The following SSUH2 variants were observed in gnomAD, a reference collection of about 807,000 sequenced individuals.
SSUH2 encodes the protein ssu-2 homolog.
SSUH2 carries 47 observed loss-of-function variants against 55.3 expected under a neutral mutation model. The ratio of observed to expected loss-of-function variants is 0.85; its 90% confidence interval spans 0.67 to 1.08. The LOEUF is 1.08. Among genes scored for constraint, SSUH2 ranks in the 50% least tolerant of loss-of-function variants. SSUH2 has a pLI of 0.00. For missense variants in SSUH2, 535 were observed against 490.7 expected (o/e 1.09, Z -0.85); for synonymous variants, 212 against 191.5 (o/e 1.11, Z -0.89).
intron 3 of SSUH2, chr3:8,634,302 TG>T (rs2125193133): frequency 9.6e-7 from 1 of 1,044,828 alleles, no homozygotes; most frequent in Non-Finnish European, 1.3e-6. Flanking sequence ...GGACCGTGGG[TG>T]GGACGACAGA....
intron 1 of SSUH2, among the ~76,000 whole-genome samples, chr3:8,640,602 G>A (rs372465723): frequency 2.5e-4 from 38 of 152,214 alleles, no homozygotes; most frequent in African/African-American, 8.4e-4. Context: ...GACGGCAACA[G>A]TAGGGAAAAA....
chr3:8,657,189 TGTTTTATAATTA>T (rs1320059827), intron 7 of SSUH2, among the ~76,000 whole-genome samples: 3 of 152,176 alleles, frequency 2.0e-5, no homozygotes, highest in Admixed American at 6.5e-5. Context: ...CCCACCACCC[TGTTTTATAATTA>T]CCTCCTTTCT....
At chr3:8,674,522 C>T (rs1387032750) in intron 3 of SSUH2, among the ~76,000 whole-genome samples, 6 of 152,088 alleles carry the variant, frequency 3.9e-5, no homozygotes, top group East Asian at 1.9e-4. Flanking sequence ...CGCTAGTAAC[C>T]GCCCCGGTCA....
chr3:8,650,995 A>T (rs1165268889), intron 7 of SSUH2, among the ~76,000 whole-genome samples: 1 of 152,196 alleles, frequency 6.6e-6, no homozygotes, highest in South Asian at 2.1e-4. Flanking sequence ...AAAGGCAGAG[A>T]TGCTAATCTC....
chr3:8,668,736 G>T (rs1408696691), intron 5 of SSUH2, among the ~76,000 whole-genome samples: 1 of 152,154 alleles, frequency 6.6e-6, no homozygotes, highest in Non-Finnish European at 1.5e-5. Context: ...TTCTCCCCAA[G>T]TGAAGTTTGG....
At chr3:8,674,077 A>T (rs2124843758) in intron 3 of SSUH2, among the ~76,000 whole-genome samples, 1 of 152,340 alleles carries the variant, frequency 6.6e-6, no homozygotes, top group East Asian at 1.9e-4. Context: ...CACAATGATG[A>T]GAAATAGCTA....
intron 7 of SSUH2, among the ~76,000 whole-genome samples, chr3:8,654,272 C>T (rs1384943040): frequency 1.3e-5 from 2 of 152,204 alleles, no homozygotes; most frequent in Admixed American, 1.3e-4. Flanking sequence ...AACCTAATTA[C>T]GTCCTAAAGA....
intron 6 of SSUH2, among the ~76,000 whole-genome samples, chr3:8,630,319 G>A (rs552289738): frequency 7.9e-5 from 12 of 152,274 alleles, no homozygotes; most frequent in African/African-American, 1.9e-4. Flanking sequence ...TATCTCAGTC[G>A]TGTTTTTGTA....
intron 3 of SSUH2, 58 bp from the exon 4 acceptor site, chr3:8,633,853 G>A (rs2276800): frequency 0.21 from 333,651 of 1,612,954 alleles, 42,001 homozygotes; most frequent in African/African-American, 0.62. Context: ...GGACTCACGC[G>A]GGCCAGCCAG....
At chr3:8,657,768 T>C (rs1186109645) in intron 7 of SSUH2, among the ~76,000 whole-genome samples, 1 of 152,218 alleles carries the variant, frequency 6.6e-6, no homozygotes, top group African/African-American at 2.4e-5. Flanking sequence ...TGGTAACACA[T>C]GGAGGATTCA....
chr3:8,669,502 G>C (rs1399643597), intron 5 of SSUH2, among the ~76,000 whole-genome samples: 1 of 152,238 alleles, frequency 6.6e-6, no homozygotes, highest in East Asian at 1.9e-4. Flanking sequence ...AGTTTGACAA[G>C]ATATAGGATA....
chr3:8,660,184 GC>G (rs1325458997), intron 6 of SSUH2, among the ~76,000 whole-genome samples: 1 of 152,150 alleles, frequency 6.6e-6, no homozygotes, highest in Non-Finnish European at 1.5e-5. Flanking sequence ...TAGTTGTAAT[GC>G]AGCCATTACC....
rs941286696 is a variant in SSUH2 at position 8,633,804 on chromosome 3, G to A, written c.210-9C>T. On this transcript the variant is annotated splice_polypyrimidine_tract_variant and intron_variant, in intron 3 of 11. Transcript: ENST00000544814. ...CCGTCATCGCAGGGACTCTGCAGGGGACCGAACAGAGAGGCGGGGGCTTCT... is the reference window on the plus strand; with the variant it reads ...CCGTCATCGCAGGGACTCTGCAGGGAACCGAACAGAGAGGCGGGGGCTTCT... 8 of 1,613,772 alleles carry A rather than the reference G, an allele frequency of 5.0e-6. No homozygotes were observed. The Admixed American group carries it at 6.7e-5, about 13-fold the overall frequency.
rs1262905673 is a variant in SSUH2, at chr3:8,635,746, T to C, written c.127+13A>G. 1.3e-6 allele frequency: 2 copies of C among 1,533,338 alleles called. No individual in the cohort carries two copies. Among genetic ancestry groups the C allele is most frequent in the African/African-American group, 2.7e-5 (2 of 72,914 alleles). 95.0% of individuals were successfully genotyped at this position (1,533,338 alleles called of 1,614,324 possible). A position where few individuals can be genotyped will look rare whatever the true frequency, so the allele number is the denominator to read the frequency against. ...GGTAGAAGCCCAAAGAACCAAGCCCTCTTGGAACTTACTGCCCCCTTGAAG... is the reference window on the plus strand; with the variant it reads ...GGTAGAAGCCCAAAGAACCAAGCCCCCTTGGAACTTACTGCCCCCTTGAAG... On this transcript the variant is annotated intron_variant, in intron 2 of 11. Coordinates refer to ENST00000544814, the MANE Select transcript of SSUH2 (RefSeq NM_001256748.3).
chr3:8,632,196 G>C, intron 4 of SSUH2, 87 bp from the exon 5 acceptor site: 1 of 1,107,136 alleles, frequency 9.0e-7, no homozygotes, highest in Non-Finnish European at 1.4e-6. Flanking sequence ...TACCCTCCCA[G>C]GGCTCAGTGG....
intron 10 of SSUH2, among the ~76,000 whole-genome samples, chr3:8,624,205 C>G (rs557127198): frequency 1.1e-3 from 171 of 151,790 alleles, no homozygotes; most frequent in African/African-American, 3.9e-3. Flanking sequence ...CAAGCATAGC[C>G]CTCCCCTGGG....
chr3:8,669,160 T>C (rs1376105034), intron 5 of SSUH2, among the ~76,000 whole-genome samples: 1 of 152,232 alleles, frequency 6.6e-6, no homozygotes, highest in African/African-American at 2.4e-5. Context: ...ATTTTAATTA[T>C]TTGTACTCTG....
upstream of SSUH2, among the ~76,000 whole-genome samples, chr3:8,645,536 G>A (rs758637328): frequency 1.1e-4 from 17 of 152,266 alleles, no homozygotes; most frequent in Non-Finnish European, 2.1e-4. Context: ...CAGAACTTGT[G>A]AGCTGGTCCC....
chr3:8,671,388 G>A (rs1260982807), intron 4 of SSUH2, among the ~76,000 whole-genome samples: 9 of 152,044 alleles, frequency 5.9e-5, no homozygotes, highest in African/African-American at 1.9e-4. Flanking sequence ...TCTGTGATAC[G>A]AGGAGTCACA....
Sources: gnomAD v4.1 joint callset for allele counts (sites outside exome capture counted in the v4.1 genomes callset) on GRCh38, gnomAD v4.1.1 for gene constraint, MANE v1.5 for transcripts, NCBI Gene and HGNC (gene_info 2026-07-23, HGNC 2026-07-21) for gene names.